Variants in ESR1 observed in about 807,000 individuals in gnomAD.
The protein encoded by ESR1 is estrogen receptor.
A neutral mutation model predicts 52.7 loss-of-function variants in ESR1; 12 were observed. The ratio of observed to expected loss-of-function variants is 0.23; its 90% CI spans 0.15 to 0.37. The LOEUF (loss-of-function observed/expected upper bound fraction) is 0.37. Ranked by LOEUF, ESR1 falls within the 10% of genes least tolerant of loss-of-function variation. The pLI is 1.00. For missense variants in ESR1, 584 were observed against 779.7 expected (o/e 0.75, Z 2.99); for synonymous variants, 305 against 316.8 (o/e 0.96, Z 0.39).
At chr6:152,002,240 G>C (rs142022994) in intron 4 of ESR1, among the ~76,000 whole-genome samples, 1 of 146,346 alleles carries the variant, frequency 6.8e-6, no homozygotes, top group East Asian at 2.0e-4. Context: ...TCACTAAAAC[G>C]ACAGTGTTGT....
At chr6:152,038,462 C>G (rs1186944894) in intron 5 of ESR1, among the ~76,000 whole-genome samples, 1 of 152,164 alleles carries the variant, frequency 6.6e-6, no homozygotes, top group Non-Finnish European at 1.5e-5. Flanking sequence ...TCAACTTGAT[C>G]CCACATACAT....
intron 3 of ESR1, among the ~76,000 whole-genome samples, chr6:151,910,011 A>G (rs757977737): frequency 1.3e-5 from 2 of 151,946 alleles, no homozygotes; most frequent in Non-Finnish European, 2.9e-5. Flanking sequence ...ACCAATTATC[A>G]TTATTGAAAA....
At chr6:151,711,915 C>G (rs1238547327) in intron 2 of ESR1, among the ~76,000 whole-genome samples, 1 of 152,164 alleles carries the variant, frequency 6.6e-6, no homozygotes, top group Non-Finnish European at 1.5e-5. Context: ...GTCATGAAGT[C>G]TTTGTCCATG....
chr6:151,740,285 A>ATTTTTTTTTTTTTTTTTTTTTTTTTTTTT (rs386408967), intron 2 of ESR1, among the ~76,000 whole-genome samples: 1 of 108,008 alleles, frequency 9.3e-6, no homozygotes, highest in Non-Finnish European at 1.8e-5. Context: ...TGCCTGGCTA[A>ATTTTTTTTTTTTTTTTTTTTTTTTTTTTT]TTTTTTTTTT....
chr6:151,682,237 T>C (rs1003388517), intron 1 of ESR1, among the ~76,000 whole-genome samples: 8 of 152,204 alleles, frequency 5.3e-5, no homozygotes, highest in Non-Finnish European at 1.0e-4. Flanking sequence ...CTTTCCTATA[T>C]GAGAAAAATA....
At chr6:151,903,071 C>A (rs1796926936) in intron 3 of ESR1, among the ~76,000 whole-genome samples, 1 of 152,170 alleles carries the variant, frequency 6.6e-6, no homozygotes, top group Non-Finnish European at 1.5e-5. Context: ...CCTTTGGCTC[C>A]AGGAAACTGT....
chr6:151,821,029 C>T (rs1780475416), intron 1 of ESR1, among the ~76,000 whole-genome samples: 1 of 151,950 alleles, frequency 6.6e-6, no homozygotes, highest in African/African-American at 2.4e-5. Flanking sequence ...TGATGGAATC[C>T]TACCTTTTAT....
chr6:152,012,553 T>C (rs1198521036), intron 5 of ESR1, among the ~76,000 whole-genome samples: 1 of 152,148 alleles, frequency 6.6e-6, no homozygotes, highest in Admixed American at 6.6e-5. Context: ...CTCAGAGACA[T>C]CCTGCTACTT....
intron 3 of ESR1, among the ~76,000 whole-genome samples, chr6:151,913,237 C>T (rs903908814): frequency 2.6e-5 from 4 of 152,132 alleles, no homozygotes; most frequent in African/African-American, 9.7e-5. Flanking sequence ...CCACCACGTG[C>T]GGATTTTCAC....
intron 3 of ESR1, among the ~76,000 whole-genome samples, chr6:151,924,705 G>A (rs2032359567): frequency 6.6e-6 from 1 of 152,092 alleles, no homozygotes; most frequent in Non-Finnish European, 1.5e-5. Context: ...TTCCACTCCT[G>A]CATTAGTTTG....
rs1252908196 is a variant in ESR1, at chr6:151,863,891, A to C, written c.644-16764A>C. ...AGCTGAAACTGGATCACTTCCTTAC[A>C]CCTTATACAAAAATTAATTCAAGAT... On this transcript the variant is annotated intron_variant, in intron 2 of 7. Transcript: ENST00000206249. Among the ~76,000 whole-genome samples, 3 of 152,202 alleles carry C rather than the reference A, an allele frequency of 2.0e-5. No homozygotes were observed. In the East Asian group the frequency reaches 5.8e-4, roughly 29 times the overall value.
chr6:151,979,925 A>G (rs910071252), intron 4 of ESR1, among the ~76,000 whole-genome samples: 1 of 152,216 alleles, frequency 6.6e-6, no homozygotes, highest in Non-Finnish European at 1.5e-5. Context: ...TTATTTTGTT[A>G]TACAGTGGTC....
chr6:151,809,164 C>T, intron 1 of ESR1: 2 of 449,336 alleles, frequency 4.5e-6, no homozygotes, highest in Admixed American at 2.4e-5. Flanking sequence ...GGGGAGAATG[C>T]CCCGGAGTGG....
At chr6:151,929,158 A>G (rs1056645532) in intron 3 of ESR1, among the ~76,000 whole-genome samples, 1 of 152,144 alleles carries the variant, frequency 6.6e-6, no homozygotes, top group African/African-American at 2.4e-5. Context: ...CGGAATGGTG[A>G]GGTTTCTAAG....
chr6:151,815,491 G>A (rs530408027), intron 1 of ESR1, among the ~76,000 whole-genome samples: 50 of 152,176 alleles, frequency 3.3e-4, no homozygotes, highest in Non-Finnish European at 7.1e-4. Flanking sequence ...GTGGTGGGCA[G>A]GAAGCATCAG....
At chr6:151,978,694 A>G (rs2039696240) in intron 4 of ESR1, among the ~76,000 whole-genome samples, 2 of 152,298 alleles carry the variant, frequency 1.3e-5, no homozygotes, top group South Asian at 4.1e-4. Flanking sequence ...ACTGAAAATG[A>G]GAAGCCAGTG....
At chr6:151,659,261 C>A (rs898395154) in intron 1 of ESR1, among the ~76,000 whole-genome samples, 1 of 152,196 alleles carries the variant, frequency 6.6e-6, no homozygotes, top group African/African-American at 2.4e-5. Context: ...GATCCGCCCA[C>A]CTCAGCCTCC....
At chr6:151,859,058 A>G (rs1788404006) in intron 2 of ESR1, among the ~76,000 whole-genome samples, 1 of 152,334 alleles carries the variant, frequency 6.6e-6, no homozygotes, top group Middle Eastern at 3.4e-3. Flanking sequence ...GTACCTGCCA[A>G]TATGGCAGTA....
At chr6:151,907,742 A>G (rs1797670174) in intron 3 of ESR1, among the ~76,000 whole-genome samples, 1 of 152,148 alleles carries the variant, frequency 6.6e-6, no homozygotes, top group African/African-American at 2.4e-5. Flanking sequence ...CGCCACAGTA[A>G]TTATCTCACT....
Sources: allele counts gnomAD v4.1 joint callset (sites outside exome capture counted in the v4.1 genomes callset), GRCh38; gene constraint gnomAD v4.1.1; transcripts MANE v1.5; gene names NCBI Gene and HGNC (gene_info 2026-07-23, HGNC 2026-07-21).